The following RARB variants were observed in gnomAD, a reference collection of about 807,000 sequenced individuals.
RARB encodes the protein HBV-activated protein.
A neutral mutation model predicts 51.9 loss-of-function variants in RARB; 17 were observed. The ratio of observed to expected loss-of-function variants is 0.33; its 90% CI spans 0.22 to 0.49. RARB has a LOEUF of 0.49. Among genes scored for constraint, RARB ranks in the 20% least tolerant of loss-of-function variants. RARB has a pLI of 0.99. For synonymous variants in RARB, 215 were observed against 195.4 expected (o/e 1.10, Z -0.84); for missense variants, 369 against 550.8 (o/e 0.67, Z 3.30).
intron 2 of RARB, among the ~76,000 whole-genome samples, chr3:24,999,734 C>T (rs752318994): frequency 3.3e-5 from 5 of 152,100 alleles, no homozygotes; most frequent in Admixed American, 6.6e-5. Flanking sequence ...TTCCCTGTAG[C>T]CAAGACCTCT....
chr3:24,937,392 C>G (rs1286977408), intron 2 of RARB, among the ~76,000 whole-genome samples: 1 of 152,094 alleles, frequency 6.6e-6, no homozygotes, highest in Non-Finnish European at 1.5e-5. Context: ...CAGAACCTGC[C>G]TTGACTCCAA....
intron 3 of RARB, among the ~76,000 whole-genome samples, chr3:25,517,997 G>A (rs1488743752): frequency 6.6e-6 from 1 of 152,152 alleles, no homozygotes; most frequent in Non-Finnish European, 1.5e-5. Context: ...TCAAGCAGTG[G>A]TGAATGGGGA....
chr3:24,974,182 A>G (rs1559417655), intron 2 of RARB, among the ~76,000 whole-genome samples: 1 of 151,938 alleles, frequency 6.6e-6, no homozygotes, highest in East Asian at 1.9e-4. Context: ...TTACCAAAAG[A>G]TTTTCCAGCA....
intron 5 of RARB, among the ~76,000 whole-genome samples, chr3:25,204,866 G>T (rs1263876066): frequency 6.6e-6 from 1 of 152,106 alleles, no homozygotes; most frequent in Non-Finnish European, 1.5e-5. Flanking sequence ...AGGCTACTCG[G>T]GGGTCAGGGA....
chr3:25,593,263 A>G (rs1701685359), intron 5 of RARB, among the ~76,000 whole-genome samples: 2 of 152,138 alleles, frequency 1.3e-5, no homozygotes, highest in East Asian at 3.9e-4. Context: ...TTACTTTTAA[A>G]AAGATATTTC....
At chr3:25,554,630 C>A (rs557708238) in intron 3 of RARB, among the ~76,000 whole-genome samples, 4 of 152,338 alleles carry the variant, frequency 2.6e-5, no homozygotes, top group Admixed American at 2.6e-4. Flanking sequence ...TCACCATCAA[C>A]ACCTCCAGTA....
chr3:24,890,398 T>C (rs1874054), intron 2 of RARB, among the ~76,000 whole-genome samples: 111,932 of 152,116 alleles, frequency 0.74, 42,212 homozygotes, highest in African/African-American at 0.88. Context: ...TCACATTGAC[T>C]ATATCTCAGG....
chr3:24,840,221 A>G (rs1033859072), intron 1 of RARB, among the ~76,000 whole-genome samples: 1 of 152,210 alleles, frequency 6.6e-6, no homozygotes, highest in African/African-American at 2.4e-5. Flanking sequence ...GACACCTGGC[A>G]TCTTATCAAC....
intron 1 of RARB, among the ~76,000 whole-genome samples, chr3:25,456,513 G>A (rs1336288787): frequency 6.9e-6 from 1 of 145,534 alleles, no homozygotes; most frequent in Admixed American, 6.9e-5. Context: ...TGGCATGTTC[G>A]CCTGAGGCTA....
intron 5 of RARB, among the ~76,000 whole-genome samples, chr3:25,592,874 C>G (rs1257078738): frequency 6.6e-6 from 1 of 152,164 alleles, no homozygotes; most frequent in Non-Finnish European, 1.5e-5. Flanking sequence ...ACTCATGTCC[C>G]TTGTATTACA....
At chr3:25,421,960 G>T (rs1262883332) in intron 5 of RARB, among the ~76,000 whole-genome samples, 1 of 152,112 alleles carries the variant, frequency 6.6e-6, no homozygotes, top group African/African-American at 2.4e-5. Context: ...TGCTGCAATA[G>T]AGCTTTCTGC....
chr3:25,018,623 A>T (rs1224993985), intron 2 of RARB, among the ~76,000 whole-genome samples: 1 of 152,200 alleles, frequency 6.6e-6, no homozygotes, highest in Non-Finnish European at 1.5e-5. Flanking sequence ...AGCAGGTCAC[A>T]GTCATTTGAA....
Position 25,320,822 on chromosome 3 carries a change from T to G in RARB, c.179-140371T>G, listed in dbSNP as rs146015527. Among the ~76,000 whole-genome samples, 1,329 of 152,354 alleles carry G rather than the reference T, an allele frequency of 8.7e-3. 10 individuals are homozygous for G. Among genetic ancestry groups the G allele is most frequent in the Middle Eastern group, 0.027 (8 of 294 alleles). ...CTTTCCCAGTGAACTCATCGGCTCC[T>G]GCTTCCTTCAGTCTTGCAGCGTATA... On this transcript the variant is annotated intron_variant, in intron 5 of 11. Coordinates refer to the RARB transcript ENST00000383772.
intron 1 of RARB, among the ~76,000 whole-genome samples, chr3:25,429,577 A>T (rs1708118137): frequency 6.6e-6 from 1 of 152,220 alleles, no homozygotes; most frequent in African/African-American, 2.4e-5. Flanking sequence ...CCTTGGACTG[A>T]GCCATCCATT....
intron 2 of RARB, among the ~76,000 whole-genome samples, chr3:24,923,578 A>G (rs1695261394): frequency 6.6e-6 from 1 of 151,950 alleles, no homozygotes; most frequent in Non-Finnish European, 1.5e-5. Flanking sequence ...TTTTTGAGAT[A>G]CTGGGCAAAG....
At chr3:24,879,884 T>C (rs758516077) in intron 2 of RARB, among the ~76,000 whole-genome samples, 33 of 152,102 alleles carry the variant, frequency 2.2e-4, no homozygotes, top group Non-Finnish European at 4.0e-4. Flanking sequence ...GGGTGTACAT[T>C]TTGAGAATAT....
At chr3:25,419,613 G>C (rs1707803492) in intron 5 of RARB, among the ~76,000 whole-genome samples, 1 of 152,180 alleles carries the variant, frequency 6.6e-6, no homozygotes, top group African/African-American at 2.4e-5. Flanking sequence ...TGTGCAGAAT[G>C]AAAACCCGAG....
chr3:25,012,736 A>G (rs1697425274), intron 2 of RARB, among the ~76,000 whole-genome samples: 5 of 152,144 alleles, frequency 3.3e-5, no homozygotes, highest in Admixed American at 3.3e-4. Flanking sequence ...TGGGAAAAGT[A>G]ATCTATGCAA....
chr3:25,179,576 C>G (rs183268976), intron 5 of RARB, among the ~76,000 whole-genome samples: 2 of 152,258 alleles, frequency 1.3e-5, no homozygotes, highest in Admixed American at 6.5e-5. Flanking sequence ...TAAGACACTT[C>G]TTGGGAATTT....
Sources: allele counts gnomAD v4.1 joint callset (sites outside exome capture counted in the v4.1 genomes callset), GRCh38; gene constraint gnomAD v4.1.1; transcripts MANE v1.5; gene names NCBI Gene and HGNC (gene_info 2026-07-23, HGNC 2026-07-21).